The following SPTBN1 variants were observed in gnomAD, a reference collection of about 807,000 sequenced individuals.
The protein encoded by SPTBN1 is spectrin beta chain, non-erythrocytic 1.
A neutral mutation model predicts 266.4 loss-of-function variants in SPTBN1; 32 were observed. The observed-to-expected ratio is 0.12, with a 90% confidence interval of 0.09 to 0.16. SPTBN1 has a LOEUF of 0.16. SPTBN1 is among the 10% of genes least tolerant of loss of function. SPTBN1 has a pLI of 1.00. For missense variants in SPTBN1, 2,296 were observed against 3,067.1 expected, an observed-to-expected ratio of 0.75 and a Z score of 5.94; for synonymous variants, 1,336 against 1,162.2, an observed-to-expected ratio of 1.15 and a Z score of -3.04.
intron 1 of SPTBN1, among the ~76,000 whole-genome samples, chr2:54,495,915 G>A (rs1453124945): frequency 1.3e-5 from 2 of 152,016 alleles, no homozygotes; most frequent in East Asian, 1.9e-4. Context: ...ATTAACAGGT[G>A]CAGTTTCTTA....
intron 2 of SPTBN1, among the ~76,000 whole-genome samples, chr2:54,586,730 C>G (rs1675323385): frequency 6.6e-6 from 1 of 152,236 alleles, no homozygotes; most frequent in South Asian, 2.1e-4. Flanking sequence ...CAGACCTTAG[C>G]TTTTTGGATT....
rs1044320030 is a variant in SPTBN1, at chr2:54,664,211, A to G, written c.6421-242A>G. 2 of 489,764 alleles carry G rather than the reference A, an allele frequency of 4.1e-6. No individual in the cohort carries two copies. The highest frequency in any genetic ancestry group is 6.7e-5 in the South Asian group (2 of 29,958). The allele number at this position is 489,764 out of a possible 1,614,324, so 30.3% of individuals were successfully genotyped here. A position where few individuals can be genotyped will look rare whatever the true frequency, so the allele number is the denominator to read the frequency against. On this transcript the variant is annotated intron_variant, in intron 32 of 35. Coordinates refer to ENST00000356805, the MANE Select transcript of SPTBN1 (RefSeq NM_003128.3). The surrounding 1 kb of genome is among the most constrained non-coding windows in gnomAD (Gnocchi z 5.6). Reference sequence around the variant, plus strand: ...TTTATTGATCAGAGGAATAGAGTGCAGTAAAACTCATACTGGCATTTCGCT... The same window carrying G: ...TTTATTGATCAGAGGAATAGAGTGCGGTAAAACTCATACTGGCATTTCGCT...
intron 19 of SPTBN1, among the ~76,000 whole-genome samples, chr2:54,644,113 A>G (rs1222727332): frequency 6.6e-6 from 1 of 152,162 alleles, no homozygotes; most frequent in African/African-American, 2.4e-5. Flanking sequence ...AGCATGTAAC[A>G]TTTATTGCTT....
chr2:54,495,509 T>TA (rs1283573275), intron 1 of SPTBN1, among the ~76,000 whole-genome samples: 7 of 152,158 alleles, frequency 4.6e-5, no homozygotes, highest in African/African-American at 1.4e-4. Flanking sequence ...ATTTCAAAAA[T>TA]AAAGTGTTCT....
rs1183865356 is a variant in SPTBN1, at chr2:54,645,515, C to G, written c.4494+62C>G. 6.5e-7 allele frequency: 1 copy of G among 1,538,902 alleles called. No individual in the cohort carries two copies. The highest frequency in any genetic ancestry group is 1.4e-5 in the African/African-American group (1 of 73,150). ...GAGCCCCCTTGCCTGTGCTAAAGCC[C>G]ACATTCTCACTTCTCAGTCATCCTC... On this transcript the variant is annotated intron_variant, in intron 21 of 35. Transcript: ENST00000356805. This position sits in a 1 kb window ranked among gnomAD's most constrained non-coding sequence, Gnocchi z 4.3.
intron 26 of SPTBN1, among the ~76,000 whole-genome samples, chr2:54,651,712 A>G (rs1680303414): frequency 6.6e-6 from 1 of 152,222 alleles, no homozygotes; most frequent in Non-Finnish European, 1.5e-5. Context: ...ACACAGAAAC[A>G]GGTGTTTTGA....
At chr2:54,515,822 C>T (rs905781325) in intron 1 of SPTBN1, 2 of 152,200 alleles carry the variant, frequency 1.3e-5, no homozygotes, top group Non-Finnish European at 2.9e-5. Flanking sequence ...CCCCCTCGCC[C>T]AGTGTGACCC....
At chr2:54,573,380 C>T (rs920110905) in intron 2 of SPTBN1, among the ~76,000 whole-genome samples, 16 of 152,186 alleles carry the variant, frequency 1.1e-4, no homozygotes, top group Non-Finnish European at 2.1e-4. Flanking sequence ...CCTTTGCATG[C>T]ACAGTTCATG....
chr2:54,635,422 G>A (rs955850095), intron 17 of SPTBN1, among the ~76,000 whole-genome samples: 5 of 152,200 alleles, frequency 3.3e-5, no homozygotes, highest in Admixed American at 6.5e-5. Flanking sequence ...CGCATAGATC[G>A]GTGTCATTTG....
chr2:54,566,342 C>T (rs531617890), intron 2 of SPTBN1, among the ~76,000 whole-genome samples: 2 of 151,972 alleles, frequency 1.3e-5, no homozygotes, highest in East Asian at 3.9e-4. Flanking sequence ...CGCCCACCAC[C>T]ACGCCCAGCT....
At chr2:54,471,885 T>A (rs1482208756) in intron 1 of SPTBN1, among the ~76,000 whole-genome samples, 1 of 148,298 alleles carries the variant, frequency 6.7e-6, no homozygotes, top group African/African-American at 2.5e-5. Context: ...TGTAACATCT[T>A]ATGTTGAATG....
chr2:54,500,430 T>TG (rs1669191056), intron 1 of SPTBN1, among the ~76,000 whole-genome samples: 1 of 151,158 alleles, frequency 6.6e-6, no homozygotes. Flanking sequence ...TAAGGAGGGG[T>TG]GGGGTGTGTC....
intron 35 of SPTBN1, 68 bp from the exon 36 acceptor site, chr2:54,668,283 G>T (rs1258811877): frequency 6.6e-7 from 1 of 1,524,950 alleles, no homozygotes. Context: ...CCATTCCCAA[G>T]CCTTGGAGCC....
rs1677690515 is a variant in SPTBN1, at chr2:54,617,617, T to C, written c.576T>C (p.Asn192=). 1.2e-6 allele frequency: 2 copies of C among 1,614,002 alleles called. No homozygotes were observed. The highest frequency in any genetic ancestry group is 1.7e-6 in the Non-Finnish European group (2 of 1,179,988). ...WCQMKTAGYP[N]VNIHNFTTSW... is the part of the protein sequence containing the mutation. The stretch of plus-strand genomic sequence containing the variant: ...GCTTTGTCCTTGGCAGGTACCCCAA[T>C]GTCAACATTCACAATTTCACCACTA... Residue 192 remains asparagine, a synonymous_variant, in exon 6 of 36, where the codon AAT becomes AAC. Coordinates refer to ENST00000356805, the MANE Select transcript of SPTBN1 (RefSeq NM_003128.3).
At chr2:54,474,818 C>T (rs558781216) in intron 1 of SPTBN1, among the ~76,000 whole-genome samples, 1 of 152,186 alleles carries the variant, frequency 6.6e-6, no homozygotes, top group South Asian at 2.1e-4. Context: ...TTTGTATTTT[C>T]TGCTGTTCTA....
At chr2:54,578,475 C>T (rs550841978) in intron 2 of SPTBN1, among the ~76,000 whole-genome samples, 3 of 152,304 alleles carry the variant, frequency 2.0e-5, no homozygotes, top group Non-Finnish European at 4.4e-5. Context: ...GCTGCTGCTG[C>T]TGCCAAGTAT....
chr2:54,633,478 A>G (rs919416005), intron 17 of SPTBN1, among the ~76,000 whole-genome samples: 2 of 151,962 alleles, frequency 1.3e-5, no homozygotes, highest in African/African-American at 4.8e-5. Flanking sequence ...GCTGGAGGCC[A>G]GTGGACTCTG....
In SPTBN1 at chr2:54,628,824, G is replaced by A. The variant is rs1172440981; in HGVS notation, c.1799-109G>A. ...CATGGCCCTGCATTTACATTTAGCAGTGAGCTGGTAATCATAAGAATATGG... is the reference window on the plus strand; with the variant it reads ...CATGGCCCTGCATTTACATTTAGCAATGAGCTGGTAATCATAAGAATATGG... On this transcript the variant is annotated intron_variant, in intron 13 of 35. Transcript: ENST00000356805. This position sits in a 1 kb window ranked among gnomAD's most constrained non-coding sequence, Gnocchi z 4.3. 7.1e-7 allele frequency: 1 copy of A among 1,400,856 alleles called. No individual in the cohort carries two copies. Among genetic ancestry groups the A allele is most frequent in the Admixed American group, 2.4e-5 (1 of 42,316 alleles). 86.8% of individuals were successfully genotyped at this position (1,400,856 alleles called of 1,614,324 possible).
intron 2 of SPTBN1, among the ~76,000 whole-genome samples, chr2:54,574,003 G>T (rs1674279654): frequency 6.6e-6 from 1 of 152,084 alleles, no homozygotes; most frequent in Non-Finnish European, 1.5e-5. Flanking sequence ...ACCCCGTATG[G>T]AAAATACAAA....
Sources: allele counts gnomAD v4.1 joint callset (sites outside exome capture counted in the v4.1 genomes callset), GRCh38; gene constraint gnomAD v4.1.1; non-coding constraint Gnocchi (gnomAD v3.1); transcripts MANE v1.5; gene names NCBI Gene and HGNC (gene_info 2026-07-23, HGNC 2026-07-21).